BIRC2: variants seen among roughly 807,000 people sequenced by gnomAD.
BIRC2 encodes baculoviral IAP repeat containing 2.
BIRC2 carries 18 observed loss-of-function variants against 60.9 expected under a neutral mutation model. The ratio of observed to expected loss-of-function variants is 0.30; its 90% CI spans 0.20 to 0.44. BIRC2 has a LOEUF of 0.44. Ranked by LOEUF, BIRC2 falls within the 20% of genes least tolerant of loss-of-function variation. BIRC2 has a pLI of 1.00. For synonymous variants in BIRC2, 282 were observed against 247.7 expected (o/e 1.14, Z -1.30); for missense variants, 701 against 728.5 (o/e 0.96, Z 0.43).
rs1951302843 is a variant in BIRC2, at chr11:102,347,295, C to T, written c.-1339C>T. On this transcript the variant is annotated 5_prime_UTR_variant, in exon 1 of 9. Coordinates refer to ENST00000227758, the MANE Select transcript of BIRC2 (RefSeq NM_001166.5). ...ATCCGAGCCGAGCGGGCCGTATCTC[C>T]TTGTCGGCGCCGCTGATTCCCGGCT... 1 of 152,344 alleles carries T rather than the reference C, an allele frequency of 6.6e-6. No homozygotes were observed. The highest frequency in any genetic ancestry group is 6.5e-5 in the Admixed American group (1 of 15,288). The allele number at this position is 152,344 out of a possible 1,614,324, so 9.4% of individuals were successfully genotyped here.
At chr11:102,375,980 A>G (rs1470001305) in intron 6 of BIRC2, among the ~76,000 whole-genome samples, 2 of 150,132 alleles carry the variant, frequency 1.3e-5, no homozygotes, top group African/African-American at 4.9e-5. Flanking sequence ...TTTTTTAAGC[A>G]TTAGGTAGAT....
Position 102,369,695 on chromosome 11 carries a change from G to C in BIRC2, c.1366+1147G>C, listed in dbSNP as rs1291131220. On this transcript the variant is annotated intron_variant, in intron 6 of 8. Transcript: ENST00000227758. Reference sequence around the variant, plus strand: ...GTATATACCCAGTAATGGGATGGCTGGGTCAAATGGTATTTCTAGTTCTAG... The same window carrying C: ...GTATATACCCAGTAATGGGATGGCTCGGTCAAATGGTATTTCTAGTTCTAG... Among the ~76,000 whole-genome samples, 6 of 148,076 alleles carry C rather than the reference G, an allele frequency of 4.1e-5. No individual in the cohort carries two copies. In the South Asian group the frequency reaches 1.3e-3, roughly 32 times the overall value.
rs1278393063 is a variant in BIRC2, at chr11:102,375,779, C to CAAA, written c.1367-1700_1367-1698dup. Among the ~76,000 whole-genome samples the CAAA allele has an allele frequency of 3.9e-3, 290 of 74,730 alleles. 2 individuals are homozygous for CAAA. The highest frequency in any genetic ancestry group is 0.015 in the African/African-American group (276 of 19,022). The allele number at this position is 74,730 out of a possible 152,430, so 49.0% of individuals were successfully genotyped here. ...TGGGTGACAGAGCCAGACTCCATCT[C>CAAA]AAAAAAAAAAAAAAAAAAATTCCAG... is the stretch of plus-strand genomic sequence containing the variant. On this transcript the variant is annotated intron_variant, in intron 6 of 8. Coordinates refer to ENST00000227758, the MANE Select transcript of BIRC2 (RefSeq NM_001166.5).
intron 6 of BIRC2, among the ~76,000 whole-genome samples, chr11:102,374,620 T>A (rs1026197980): frequency 6.6e-6 from 1 of 151,890 alleles, no homozygotes. Context: ...GCTGTCTTTT[T>A]GTTTGTCTGT....
At chr11:102,363,812 T>A (rs184724714) in intron 5 of BIRC2, 96 bp downstream of exon 5, 1 of 929,166 alleles carries the variant, frequency 1.1e-6, no homozygotes, top group African/African-American at 1.7e-5. Flanking sequence ...ATCCCAACAC[T>A]TTGAGAGGCC....
rs1034086874 is a variant in BIRC2 at position 102,347,393 on chromosome 11, C to T, written c.-1258+17C>T. The T allele has an allele frequency of 5.2e-5, 8 of 152,502 alleles. No homozygotes were observed. Among genetic ancestry groups the T allele is most frequent in the African/African-American group, 1.9e-4 (8 of 41,472 alleles). 9.4% of individuals were successfully genotyped at this position (152,502 alleles called of 1,614,324 possible). A position where few individuals can be genotyped will look rare whatever the true frequency, so the allele number is the denominator to read the frequency against. ...CGCACTGCGGTGAGTGCTGCTCCTT[C>T]CGGGCTCGGGCGGCGTGGGGCGGGT... On this transcript the variant is annotated intron_variant, in intron 1 of 8. Transcript: ENST00000227758.
intron 6 of BIRC2, among the ~76,000 whole-genome samples, chr11:102,374,285 C>G (rs547727167): frequency 7.5e-4 from 113 of 150,924 alleles, no homozygotes; most frequent in South Asian, 4.4e-3. Context: ...TGTTTTTCCC[C>G]CATCTTTGTG....
rs772282652 is a variant in BIRC2, at chr11:102,350,383, T to G, written c.529T>G (p.Tyr177Asp). Reference sequence around the variant, plus strand: ...CATCTCTTCATCGAGGACTAACCCCTACAGTTATGCAATGAGTACTGAAGA... The same window carrying G: ...CATCTCTTCATCGAGGACTAACCCCGACAGTTATGCAATGAGTACTGAAGA... Reference protein sequence around the residue: ...EDISSSRTNPYSYAMSTEEAR... With the variant: ...EDISSSRTNPDSYAMSTEEAR... Residue 177 changes from tyrosine (Y) to aspartate (D), a missense_variant, in exon 2 of 9, where the codon TAC becomes GAC. By Grantham distance (160) the Tyr-to-Asp change is radical. Transcript: ENST00000227758. 6.2e-7 allele frequency: 1 copy of G among 1,614,230 alleles called. No homozygotes were observed. Among genetic ancestry groups the G allele is most frequent in the Non-Finnish European group, 8.5e-7 (1 of 1,180,034 alleles).
chr11:102,373,165 A>G (rs1005897607), intron 6 of BIRC2, among the ~76,000 whole-genome samples: 32 of 151,736 alleles, frequency 2.1e-4, no homozygotes, highest in Admixed American at 3.3e-4. Context: ...TAGTCCATTT[A>G]CATTTAAAGT....
At chr11:102,358,679 A>G (rs1212336301) in intron 3 of BIRC2, among the ~76,000 whole-genome samples, 1 of 152,198 alleles carries the variant, frequency 6.6e-6, no homozygotes, top group East Asian at 1.9e-4. Context: ...ATTTACAGAT[A>G]CTGTATCCTC....
Position 102,350,087 on chromosome 11 carries a change from A to G in BIRC2, c.233A>G (p.Asn78Ser), listed in dbSNP as rs1183297460. The G allele has an allele frequency of 7.4e-6, 12 of 1,614,222 alleles. No homozygotes were observed. Among genetic ancestry groups the G allele is most frequent in the East Asian group, 2.2e-5 (1 of 44,882 alleles). Residue 78 changes from asparagine to serine, a missense_variant, in exon 2 of 9, where the codon AAT becomes AGT. Physicochemically the swap from Asn to Ser is conservative, Grantham distance 46 (BLOSUM62 1). Transcript: ENST00000227758. ...GCTGGTTTTTATTATACTGGTGTGA[A>G]TGACAAGGTCAAATGCTTCTGTTGT... ...ARAGFYYTGV[N>S]DKVKCFCCGL... is the part of the protein sequence containing the mutation.
intron 6 of BIRC2, among the ~76,000 whole-genome samples, chr11:102,373,305 C>T (rs1382006139): frequency 6.6e-6 from 1 of 152,180 alleles, no homozygotes; most frequent in African/African-American, 2.4e-5. Context: ...GCTGCTGGTA[C>T]CGGTTGTTCC....
intron 3 of BIRC2, among the ~76,000 whole-genome samples, chr11:102,358,183 G>A (rs1951444946): frequency 6.6e-6 from 1 of 152,084 alleles, no homozygotes. Context: ...TTTTTCTTGT[G>A]TGCTTAAGAA....
At chr11:102,364,442 A>G (rs562925993) in intron 5 of BIRC2, among the ~76,000 whole-genome samples, 2 of 152,176 alleles carry the variant, frequency 1.3e-5, no homozygotes, top group Admixed American at 6.5e-5. Flanking sequence ...TTCACATATG[A>G]TTCAAGAATT....
intron 3 of BIRC2, 31 bp downstream of exon 3, chr11:102,350,974 A>C: frequency 6.2e-7 from 1 of 1,600,544 alleles, no homozygotes; most frequent in African/African-American, 1.3e-5. Context: ...ATTTGTACAA[A>C]AAACTCTGTG....
At chr11:102,358,954 A>G (rs1951454324) in intron 3 of BIRC2, among the ~76,000 whole-genome samples, 1 of 152,186 alleles carries the variant, frequency 6.6e-6, no homozygotes, top group Admixed American at 6.5e-5. Flanking sequence ...TGGCCCATTT[A>G]CATTCAAGGT....
Position 102,350,410 on chromosome 11 carries a change from G to A in BIRC2, c.556G>A (p.Ala186Thr), listed in dbSNP as rs372507082. 14 of 1,614,184 alleles carry A rather than the reference G, an allele frequency of 8.7e-6. No homozygotes were observed. The highest frequency in any genetic ancestry group is 1.6e-4 in the Middle Eastern group (1 of 6,062). Residue 186 changes from alanine (A) to threonine (T), a missense_variant, in exon 2 of 9, where the codon GCC (alanine) becomes ACC (threonine). By Grantham distance (58) the Ala-to-Thr change is moderately conservative. Transcript: ENST00000227758. ...PYSYAMSTEEARFLTYHMWPL... is the reference protein window; with the variant it reads ...PYSYAMSTEETRFLTYHMWPL... ...CAGTTATGCAATGAGTACTGAAGAA[G>A]CCAGATTTCTTACCTACCATATGTG... is the stretch of plus-strand genomic sequence containing the variant.
Position 102,350,632 on chromosome 11 carries a change from A to G in BIRC2, c.778A>G (p.Ser260Gly), listed in dbSNP as rs752678600. 24 of 1,614,184 alleles carry G rather than the reference A, an allele frequency of 1.5e-5. No individual in the cohort carries two copies. Among genetic ancestry groups the G allele is most frequent in the Non-Finnish European group, 2.0e-5 (24 of 1,180,042 alleles). The change falls in exon 2 of 9, where the codon AGC becomes GGC. Residue 260 changes from serine to glycine, a missense_variant. By Grantham distance (56) the Ser-to-Gly change is moderately conservative. This residue lies in a region of BIRC2 where 375 missense variants were observed against 365.9 expected (regional missense o/e 1.02). Coordinates refer to ENST00000227758, the MANE Select transcript of BIRC2 (RefSeq NM_001166.5). ...AAATTCTCTAGAAACTCTGAGGTTT[A>G]GCATTTCAAATCTGAGCATGCAGAC... ...LENSLETLRF[S>G]ISNLSMQTHA...
At chr11:102,358,097 T>C (rs1951444072) in intron 3 of BIRC2, among the ~76,000 whole-genome samples, 1 of 152,212 alleles carries the variant, frequency 6.6e-6, no homozygotes, top group African/African-American at 2.4e-5. Context: ...TCTGAAAAGA[T>C]ACTTGATAGG....
Sources: allele counts gnomAD v4.1 joint callset (sites outside exome capture counted in the v4.1 genomes callset), GRCh38; gene constraint gnomAD v4.1.1; regional missense constraint gnomAD v4.1.1; transcripts MANE v1.5; gene names NCBI Gene and HGNC (gene_info 2026-07-23, HGNC 2026-07-21).